The following SLC7A5 variants were observed in gnomAD, a reference collection of about 807,000 sequenced individuals.
The protein encoded by SLC7A5 is large neutral amino acids transporter small subunit 1.
SLC7A5 carries 23 observed loss-of-function variants against 50.2 expected under a neutral mutation model. The ratio of observed to expected loss-of-function variants is 0.46; its 90% CI spans 0.33 to 0.65. The LOEUF (loss-of-function observed/expected upper bound fraction) is 0.65, where lower values mean the gene tolerates loss of function less well. Among genes scored for constraint, SLC7A5 ranks in the 30% least tolerant of loss-of-function variants. The pLI is 0.02. For synonymous variants in SLC7A5, 393 were observed against 330.6 expected (o/e 1.19, Z -2.05); for missense variants, 578 against 684.4 (o/e 0.84, Z 1.73).
At chr16:87,842,078 T>G (rs974861933) in intron 2 of SLC7A5, among the ~76,000 whole-genome samples, 2 of 152,132 alleles carry the variant, frequency 1.3e-5, no homozygotes, top group African/African-American at 4.8e-5. Flanking sequence ...CACAGACCAC[T>G]GCGCTTCAGG....
At chr16:87,855,784 G>A (rs1777101954) in intron 1 of SLC7A5, among the ~76,000 whole-genome samples, 1 of 152,004 alleles carries the variant, frequency 6.6e-6, no homozygotes, top group African/African-American at 2.4e-5. Context: ...GGGACCTGTG[G>A]GCCCCGGCTG....
chr16:87,868,112 T>G (rs1597523199), intron 1 of SLC7A5, among the ~76,000 whole-genome samples: 1 of 115,128 alleles, frequency 8.7e-6, no homozygotes, highest in African/African-American at 3.7e-5. Flanking sequence ...CGGGACTCAG[T>G]GTCAAAAAAA....
At chr16:87,854,417 T>C (rs982896584) in intron 1 of SLC7A5, among the ~76,000 whole-genome samples, 1 of 152,204 alleles carries the variant, frequency 6.6e-6, no homozygotes, top group Non-Finnish European at 1.5e-5. Context: ...CTTAAACAAA[T>C]ACATGAATTC....
rs2055410296 is a variant in SLC7A5 at position 87,862,397 on chromosome 16, C to G, written c.538+6488G>C. ...AGCCATCAAAACCCACCCCTTACACCCTTCACCCTTTAGGGAGGGGCTCAG... is the reference window on the plus strand; with the variant it reads ...AGCCATCAAAACCCACCCCTTACACGCTTCACCCTTTAGGGAGGGGCTCAG... On this transcript the variant is annotated intron_variant, in intron 1 of 9. Transcript: ENST00000261622. This position sits in a 1 kb window ranked among gnomAD's most constrained non-coding sequence, Gnocchi z 5.3. Among the ~76,000 whole-genome samples, 1 of 152,206 alleles carries G rather than the reference C, an allele frequency of 6.6e-6. No individual in the cohort carries two copies.
intron 6 of SLC7A5, 60 bp from the exon 7 acceptor site, chr16:87,838,001 G>C (rs1349482793): frequency 1.5e-6 from 2 of 1,298,318 alleles, no homozygotes; most frequent in East Asian, 2.4e-5. Context: ...ACGTGGACAG[G>C]GGACACGCAG....
rs1288555309 is a variant in SLC7A5, at chr16:87,852,831, C to T, written c.539-982G>A. On this transcript the variant is annotated intron_variant, in intron 1 of 9. Transcript: ENST00000261622. The surrounding 1 kb of genome is among the most constrained non-coding windows in gnomAD (Gnocchi z 4.5). The stretch of plus-strand genomic sequence containing the variant: ...TGTGAGCTGGTGGGGAAACAGCCAC[C>T]CCCACAACTTAAAATGAAGTAAAAT... 2.0e-5 allele frequency among the ~76,000 whole-genome samples: 3 copies of T among 151,902 alleles called. No homozygotes were observed. Among genetic ancestry groups the T allele is most frequent in the Non-Finnish European group, 4.4e-5 (3 of 67,948 alleles).
At chr16:87,840,591 G>T in intron 3 of SLC7A5, 118 bp from the exon 4 acceptor site, 2 of 858,822 alleles carry the variant, frequency 2.3e-6, no homozygotes, top group East Asian at 2.6e-5. Flanking sequence ...TGCTCGCTGG[G>T]CTGGAAAGCG....
At chr16:87,850,305 C>T (rs986630358) in intron 2 of SLC7A5, among the ~76,000 whole-genome samples, 13 of 152,198 alleles carry the variant, frequency 8.5e-5, no homozygotes, top group African/African-American at 3.1e-4. Flanking sequence ...GAGGAGGCAG[C>T]GTCCTTGTGT....
rs2055044160 is a variant in SLC7A5 at position 87,838,748 on chromosome 16, C to T, written c.1009G>A (p.Gly337Ser). Residue 337 changes from glycine (G) to serine (S), a missense_variant, in exon 6 of 10, where the codon GGC (glycine) becomes AGC (serine). Gly to Ser is a moderately conservative substitution (Grantham distance 56, BLOSUM62 0). Coordinates refer to ENST00000261622, the MANE Select transcript of SLC7A5 (RefSeq NM_003486.7). ...GTGAACAGGGACCCATTGACGGAGC[C>T]GAAGCAGGACAGGCCCACGAAGACG... ...IPVFVGLSCF[G>S]SVNGSLFTSS... 1.2e-6 allele frequency: 2 copies of T among 1,614,042 alleles called. No homozygotes were observed. The highest frequency in any genetic ancestry group is 1.3e-5 in the African/African-American group (1 of 75,062).
intron 2 of SLC7A5, among the ~76,000 whole-genome samples, chr16:87,847,918 C>T (rs182342314): frequency 3.3e-5 from 5 of 152,324 alleles, no homozygotes; most frequent in South Asian, 4.1e-4. Flanking sequence ...GCCTGGGACA[C>T]GGGACCGTCC....
At position 87,836,499 on chromosome 16, in the gene SLC7A5, T is replaced by A. The variant is rs145081524; in HGVS notation, c.1289A>T (p.Lys430Met). ...GTGAGCGGGAGGCCCCGGGCTCACCTTGATGGGCCGCTCAAGCTCAGGCTT... is the reference window on the plus strand; with the variant it reads ...GTGAGCGGGAGGCCCCGGGCTCACCATGATGGGCCGCTCAAGCTCAGGCTT... ...HRKPELERPI[K>M]VNLALPVFFI... Residue 430 changes from lysine (K) to methionine (M), a missense_variant and splice_region_variant, in exon 8 of 10, where the codon AAG becomes ATG. Transcript: ENST00000261622. 1 of 1,610,626 alleles carries A rather than the reference T, an allele frequency of 6.2e-7. No individual in the cohort carries two copies. Among genetic ancestry groups the A allele is most frequent in the East Asian group, 2.2e-5 (1 of 44,874 alleles).
rs563390151 is a variant in SLC7A5 at position 87,852,215 on chromosome 16, C to T, written c.539-366G>A. 1.1e-3 allele frequency among the ~76,000 whole-genome samples: 161 copies of T among 152,288 alleles called. No homozygotes were observed. The highest frequency in any genetic ancestry group is 3.5e-3 in the African/African-American group (147 of 41,558). On this transcript the variant is annotated intron_variant, in intron 1 of 9. Coordinates refer to ENST00000261622, the MANE Select transcript of SLC7A5 (RefSeq NM_003486.7). The surrounding 1 kb of genome is among the most constrained non-coding windows in gnomAD (Gnocchi z 4.5). ...CAAGGTGACCCTGCCACTTGGAAGG[C>T]GCCCATTACACCTTTTTGTACCTAC...
intron 2 of SLC7A5, among the ~76,000 whole-genome samples, chr16:87,849,170 G>A (rs1448654092): frequency 6.6e-6 from 1 of 152,234 alleles, no homozygotes. Context: ...AGTATCTGGG[G>A]GCGCTGCTGC....
chr16:87,837,869 G>A lies in SLC7A5; in HGVS notation c.1116C>T (p.Thr372=), dbSNP rs368304475. The stretch of plus-strand genomic sequence containing the variant: ...CCGTGAACACGAGGGACGGCACGGG[G>A]GTGAGGAGCTGTGGGTGGATCATGG... ...ILSMIHPQLL[T]PVPSLVFTCV... Residue 372 remains threonine, a synonymous_variant, in exon 7 of 10, where the codon ACC becomes ACT. Coordinates refer to ENST00000261622, the MANE Select transcript of SLC7A5 (RefSeq NM_003486.7). 1.9e-6 allele frequency: 3 copies of A among 1,607,354 alleles called. No homozygotes were observed. Among genetic ancestry groups the A allele is most frequent in the African/African-American group, 2.7e-5 (2 of 74,940 alleles).
rs1232662249 is a variant in SLC7A5 at position 87,852,643 on chromosome 16, T to TGTGTGTGTGTGC, written c.539-795_539-794insGCACACACACAC. On this transcript the variant is annotated intron_variant, in intron 1 of 9. Transcript: ENST00000261622. This position sits in a 1 kb window ranked among gnomAD's most constrained non-coding sequence, Gnocchi z 4.5. ...AGGCACCCAGCTCTGAGCCTCTGTG[T>TGTGTGTGTGTGC]GTGTGTGTGTGTGTGTGTGTGTGTG... Among the ~76,000 whole-genome samples, 4,518 of 94,628 alleles carry TGTGTGTGTGTGC rather than the reference T, an allele frequency of 0.048. 129 individuals carry two copies. The highest frequency in any genetic ancestry group is 0.066 in the Non-Finnish European group (3,310 of 49,886). 62.1% of individuals were successfully genotyped at this position (94,628 alleles called of 152,430 possible).
chr16:87,840,040 C>T (rs946999249), intron 4 of SLC7A5, among the ~76,000 whole-genome samples: 4 of 152,350 alleles, frequency 2.6e-5, no homozygotes, highest in South Asian at 4.1e-4. Flanking sequence ...GCCTTGGCCG[C>T]GGCCTCAGCT....
In SLC7A5 at chr16:87,852,332, G is replaced by A. The variant is rs2055239641; in HGVS notation, c.539-483C>T. 6.6e-6 allele frequency among the ~76,000 whole-genome samples: 1 copy of A among 152,170 alleles called. No individual in the cohort carries two copies. The highest frequency in any genetic ancestry group is 2.1e-4 in the South Asian group (1 of 4,832). On this transcript the variant is annotated intron_variant, in intron 1 of 9. Transcript: ENST00000261622. The surrounding 1 kb of genome is among the most constrained non-coding windows in gnomAD (Gnocchi z 4.5). ...CCTTTCCTCAAAGAGGATCTTCTGT[G>A]GATTCCAACAGAAGTGGGGTGTCCC...
intron 2 of SLC7A5, among the ~76,000 whole-genome samples, chr16:87,845,234 T>A (rs1025283190): frequency 6.6e-6 from 1 of 152,232 alleles, no homozygotes; most frequent in East Asian, 1.9e-4. Context: ...GCAGGACAGC[T>A]GCAGCTCACA....
At chr16:87,844,491 G>A (rs2055124389) in intron 2 of SLC7A5, among the ~76,000 whole-genome samples, 1 of 152,220 alleles carries the variant, frequency 6.6e-6, no homozygotes, top group African/African-American at 2.4e-5. Context: ...CCATCCTGCT[G>A]ACGGGGCCCA....
Sources: allele counts gnomAD v4.1 joint callset (sites outside exome capture counted in the v4.1 genomes callset), GRCh38; gene constraint gnomAD v4.1.1; non-coding constraint Gnocchi (gnomAD v3.1); transcripts MANE v1.5; gene names NCBI Gene and HGNC (gene_info 2026-07-23, HGNC 2026-07-21).